Variants in EDIL3 observed in about 807,000 individuals in gnomAD.
The protein encoded by EDIL3 is EGF-like repeat and discoidin I-like domain-containing protein 3.
A neutral mutation model predicts 67.4 loss-of-function variants in EDIL3; 37 were observed. The ratio of observed to expected loss-of-function variants is 0.55; its 90% confidence interval spans 0.42 to 0.72. The LOEUF is 0.72. Ranked by LOEUF, EDIL3 falls within the 30% of genes least tolerant of loss-of-function variation. EDIL3 has a pLI of 0.00. For synonymous variants in EDIL3, 195 were observed against 196.3 expected (o/e 0.99, Z 0.05); for missense variants, 527 against 586.3 (o/e 0.90, Z 1.04).
chr5:84,339,605 GT>G (rs34199532), intron 1 of EDIL3, among the ~76,000 whole-genome samples: 19 of 125,078 alleles, frequency 1.5e-4, no homozygotes, highest in Admixed American at 1.0e-3. Flanking sequence ...AAAATACTGT[GT>G]TTTTTTTTAA....
At chr5:84,372,811 A>G (rs909735103) in intron 1 of EDIL3, among the ~76,000 whole-genome samples, 13 of 152,168 alleles carry the variant, frequency 8.5e-5, no homozygotes, top group African/African-American at 2.9e-4. Context: ...AACACATATT[A>G]TATGTACTTA....
intron 1 of EDIL3, among the ~76,000 whole-genome samples, chr5:84,319,463 C>CAA (rs55881777): frequency 1.0e-4 from 1 of 9,996 alleles, no homozygotes; most frequent in Non-Finnish European, 1.7e-4. Flanking sequence ...GACTCCGTCT[C>CAA]AAAAAAAAAA....
At chr5:84,370,614 T>G (rs879685306) in intron 1 of EDIL3, among the ~76,000 whole-genome samples, 6 of 152,202 alleles carry the variant, frequency 3.9e-5, no homozygotes, top group Admixed American at 3.9e-4. Flanking sequence ...CTAGCTCCCA[T>G]ATAGTATTAA....
intron 1 of EDIL3, among the ~76,000 whole-genome samples, chr5:84,321,004 C>T (rs1222170623): frequency 6.6e-6 from 1 of 151,972 alleles, no homozygotes; most frequent in African/African-American, 2.4e-5. Context: ...TTTTCTGCAA[C>T]GATTTTAGAT....
chr5:84,222,009 G>A (rs1029600843), intron 3 of EDIL3, among the ~76,000 whole-genome samples: 6 of 151,842 alleles, frequency 4.0e-5, no homozygotes, highest in East Asian at 1.9e-4. Flanking sequence ...TTCAAAATGC[G>A]TGAGTTATAG....
At chr5:84,353,515 A>G (rs188344634) in intron 1 of EDIL3, among the ~76,000 whole-genome samples, 29 of 152,356 alleles carry the variant, frequency 1.9e-4, no homozygotes, top group Admixed American at 9.2e-4. Context: ...TATGGTAAAA[A>G]TAAGTTTGGT....
intron 9 of EDIL3, among the ~76,000 whole-genome samples, chr5:84,056,241 T>C (rs1746444158): frequency 6.6e-6 from 1 of 151,902 alleles, no homozygotes; most frequent in Admixed American, 6.6e-5. Context: ...AAACACCGCA[T>C]GTTCTCACTC....
At chr5:84,329,125 AT>A (rs1561258964) in intron 1 of EDIL3, among the ~76,000 whole-genome samples, 1 of 152,034 alleles carries the variant, frequency 6.6e-6, no homozygotes, top group Admixed American at 6.6e-5. Context: ...AAAAATTGTT[AT>A]TTTTTTGTTT....
At chr5:84,280,148 T>C (rs954873574) in intron 1 of EDIL3, among the ~76,000 whole-genome samples, 2 of 152,198 alleles carry the variant, frequency 1.3e-5, no homozygotes, top group East Asian at 1.9e-4. Flanking sequence ...TAGCAAAGAA[T>C]TGTTTCCTTG....
At chr5:84,044,626 T>G (rs1273849030) in intron 9 of EDIL3, among the ~76,000 whole-genome samples, 1 of 152,190 alleles carries the variant, frequency 6.6e-6, no homozygotes, top group African/African-American at 2.4e-5. Context: ...TGGAACTATC[T>G]GAAGAAAGGG....
chr5:84,280,947 C>CAA (rs11302104), intron 1 of EDIL3, among the ~76,000 whole-genome samples: 31 of 70,178 alleles, frequency 4.4e-4, no homozygotes, highest in African/African-American at 1.4e-3. Context: ...AAGACTCTGT[C>CAA]AAAAAAAAAA....
chr5:84,180,542 T>C (rs1748997355), intron 3 of EDIL3, 21 bp from the exon 4 acceptor site: 3 of 1,544,798 alleles, frequency 1.9e-6, no homozygotes, highest in Non-Finnish European at 2.6e-6. Flanking sequence ...GAAAAAAATA[T>C]TTCTGCTTGA....
At chr5:83,986,529 C>G (rs186351123) in intron 9 of EDIL3, among the ~76,000 whole-genome samples, 1 of 152,044 alleles carries the variant, frequency 6.6e-6, no homozygotes. Flanking sequence ...CTGTTTACTC[C>G]GTTTTTATAC....
At chr5:84,271,567 C>T (rs1189075471) in intron 1 of EDIL3, among the ~76,000 whole-genome samples, 1 of 151,966 alleles carries the variant, frequency 6.6e-6, no homozygotes, top group Non-Finnish European at 1.5e-5. Flanking sequence ...CCATGAAGCC[C>T]CCAGTCACTG....
chr5:84,337,565 GAGCATGGCTCTAGAGC>G (rs1450130566), intron 1 of EDIL3, among the ~76,000 whole-genome samples: 1 of 152,048 alleles, frequency 6.6e-6, no homozygotes, highest in Non-Finnish European at 1.5e-5. Flanking sequence ...ATCATACCCA[GAGCATGGCTCTAGAGC>G]ACATATACAT....
At chr5:84,120,241 T>C (rs1747752489) in intron 5 of EDIL3, among the ~76,000 whole-genome samples, 1 of 151,980 alleles carries the variant, frequency 6.6e-6, no homozygotes, top group African/African-American at 2.4e-5. Flanking sequence ...TTGTTCTATA[T>C]ATAGGAGTGT....
intron 1 of EDIL3, among the ~76,000 whole-genome samples, chr5:84,274,198 C>T (rs1745530134): frequency 6.6e-6 from 1 of 152,108 alleles, no homozygotes; most frequent in Admixed American, 6.6e-5. Context: ...CCTCGAACTT[C>T]CAGGCTCATG....
intron 3 of EDIL3, among the ~76,000 whole-genome samples, chr5:84,198,424 A>T (rs918160808): frequency 2.0e-5 from 3 of 152,036 alleles, no homozygotes; most frequent in African/African-American, 7.2e-5. Flanking sequence ...CTGAAAAAAA[A>T]GTAGTGCTGT....
intron 3 of EDIL3, among the ~76,000 whole-genome samples, chr5:84,198,095 T>C (rs1445872858): frequency 6.6e-6 from 1 of 152,006 alleles, no homozygotes; most frequent in African/African-American, 2.4e-5. Flanking sequence ...TTGTAGATAG[T>C]GTTAATATTT....
Sources: allele counts gnomAD v4.1 joint callset (sites outside exome capture counted in the v4.1 genomes callset), GRCh38; gene constraint gnomAD v4.1.1; transcripts MANE v1.5; gene names NCBI Gene and HGNC (gene_info 2026-07-23, HGNC 2026-07-21).